The following FAM13A variants were observed in gnomAD, a reference collection of about 807,000 sequenced individuals.
FAM13A encodes the protein family with sequence similarity 13 member A, also known as protein FAM13A.
A neutral mutation model predicts 129.6 loss-of-function variants in FAM13A; 76 were observed. That is an observed-to-expected ratio of 0.59 (90% CI 0.49 to 0.71). The LOEUF is 0.71. FAM13A is among the 30% of genes least tolerant of loss of function. The pLI is 0.00. For missense variants in FAM13A, 1,108 were observed against 1,249.3 expected (o/e 0.89, Z 1.70); for synonymous variants, 443 against 449.9 (o/e 0.98, Z 0.20).
intron 5 of FAM13A, 53 bp from the exon 6 acceptor site, chr4:88,906,515 C>T: frequency 8.2e-7 from 1 of 1,219,052 alleles, no homozygotes. Context: ...CTTACCCTAA[C>T]CAAAAATTAC....
At chr4:88,941,279 G>T (rs926485897) in intron 4 of FAM13A, among the ~76,000 whole-genome samples, 1 of 152,166 alleles carries the variant, frequency 6.6e-6, no homozygotes, top group Admixed American at 6.5e-5. Flanking sequence ...AATGAATAGC[G>T]AAGTTTCCTG....
intron 1 of FAM13A, among the ~76,000 whole-genome samples, chr4:89,042,206 A>G (rs892830287): frequency 1.3e-5 from 2 of 152,080 alleles, no homozygotes; most frequent in Non-Finnish European, 2.9e-5. Context: ...CACAGATACA[A>G]TGACCAATAG....
intron 2 of FAM13A, among the ~76,000 whole-genome samples, chr4:89,028,712 T>C (rs1027011113): frequency 1.3e-5 from 2 of 150,916 alleles, no homozygotes; most frequent in African/African-American, 2.4e-5. Flanking sequence ...TGTAGGCACA[T>C]GTATACATAT....
chr4:88,861,694 C>G (rs916799865), intron 6 of FAM13A, among the ~76,000 whole-genome samples: 2 of 152,120 alleles, frequency 1.3e-5, no homozygotes, highest in Admixed American at 1.3e-4. Flanking sequence ...AGTAGATAGT[C>G]TAGCAAGAAA....
At chr4:88,973,289 G>T (rs796657774) in intron 4 of FAM13A, among the ~76,000 whole-genome samples, 9 of 152,020 alleles carry the variant, frequency 5.9e-5, no homozygotes, top group African/African-American at 2.2e-4. Flanking sequence ...TTATGTGTAT[G>T]TTATATCTTT....
intron 5 of FAM13A, among the ~76,000 whole-genome samples, chr4:88,909,909 G>A (rs1336083070): frequency 6.6e-6 from 1 of 152,168 alleles, no homozygotes; most frequent in Non-Finnish European, 1.5e-5. Flanking sequence ...AATGGTATGT[G>A]AATTATATCT....
intron 1 of FAM13A, among the ~76,000 whole-genome samples, chr4:89,054,898 A>G (rs1409597808): frequency 1.3e-5 from 2 of 152,038 alleles, no homozygotes; most frequent in Admixed American, 1.3e-4. Context: ...CTTTGAACCC[A>G]TTCATTCACT....
chr4:88,942,593 T>TAA lies in FAM13A; in HGVS notation c.606-4354_606-4353dup, dbSNP rs368082655. Among the ~76,000 whole-genome samples the TAA allele has an allele frequency of 3.6e-3, 512 of 143,566 alleles. 5 individuals carry two copies. The highest frequency in any genetic ancestry group is 9.1e-3 in the African/African-American group (356 of 39,070). The allele number at this position is 143,566 out of a possible 152,430, so 94.2% of individuals were successfully genotyped here. On this transcript the variant is annotated intron_variant, in intron 4 of 23. Coordinates refer to ENST00000264344, the MANE Select transcript of FAM13A (RefSeq NM_014883.4). ...AAAAATAAATAAATAAATAGAAATGTAAAAAAAAAAAAATAGGGTTCTAAA... is the reference window on the plus strand; with the variant it reads ...AAAAATAAATAAATAAATAGAAATGTAAAAAAAAAAAAAAATAGGGTTCTAAA...
In FAM13A at chr4:88,750,423, C is replaced by A. The variant is rs148165624; in HGVS notation, c.1940+1G>T. 1.2e-6 allele frequency: 2 copies of A among 1,611,390 alleles called. No homozygotes were observed. The highest frequency in any genetic ancestry group is 1.7e-6 in the Non-Finnish European group (2 of 1,177,452). ...TCTATCAGCAACACAGAGAAACATACCTCATGAAAGAATGGGAGTTTGGTG... is the reference window on the plus strand; with the variant it reads ...TCTATCAGCAACACAGAGAAACATAACTCATGAAAGAATGGGAGTTTGGTG... On this transcript the variant is annotated splice_donor_variant, in intron 15 of 23. Transcript: ENST00000264344. LOFTEE classifies it high-confidence loss of function.
intron 2 of FAM13A, among the ~76,000 whole-genome samples, chr4:89,023,655 T>A (rs1265618797): frequency 1.3e-5 from 2 of 152,208 alleles, no homozygotes; most frequent in East Asian, 3.8e-4. Context: ...AATAATATTT[T>A]CCTGTCTCTG....
At chr4:88,940,994 G>A (rs567897244) in intron 4 of FAM13A, among the ~76,000 whole-genome samples, 23 of 152,310 alleles carry the variant, frequency 1.5e-4, no homozygotes, top group African/African-American at 5.3e-4. Flanking sequence ...TTGGCAGGAA[G>A]CAGGTTGATA....
intron 8 of FAM13A, among the ~76,000 whole-genome samples, chr4:88,793,075 A>T (rs895331094): frequency 6.6e-6 from 1 of 152,028 alleles, no homozygotes; most frequent in African/African-American, 2.4e-5. Context: ...TTTCTAATAC[A>T]TTCCTCAGTG....
intron 6 of FAM13A, among the ~76,000 whole-genome samples, chr4:88,877,666 T>G (rs2150110209): frequency 6.6e-6 from 1 of 152,328 alleles, no homozygotes; most frequent in South Asian, 2.1e-4. Context: ...CTATTTTTGG[T>G]TTTTGCTTTG....
At chr4:89,025,242 A>ACTGTTTTTTTT (rs1767774329) in intron 2 of FAM13A, among the ~76,000 whole-genome samples, 2 of 55,456 alleles carry the variant, frequency 3.6e-5, no homozygotes, top group African/African-American at 1.2e-4. Flanking sequence ...CCATGGAATC[A>ACTGTTTTTTTT]TTGTTTTTTT....
intron 8 of FAM13A, among the ~76,000 whole-genome samples, chr4:88,793,871 G>A (rs1490830835): frequency 1.3e-5 from 2 of 151,900 alleles, no homozygotes; most frequent in African/African-American, 2.4e-5. Flanking sequence ...GGCATCCACC[G>A]CCATAGTTCC....
Position 88,968,627 on chromosome 4 carries a change from A to G in FAM13A, c.605+22346T>C, listed in dbSNP as rs541404788. The stretch of plus-strand genomic sequence containing the variant: ...AGGGAATCATAGACAATAATTTCCA[A>G]AAGTGTTTTGGACGTTTCTATTCCA... On this transcript the variant is annotated intron_variant, in intron 4 of 23. Transcript: ENST00000264344. 5.2e-4 allele frequency among the ~76,000 whole-genome samples: 79 copies of G among 152,152 alleles called. 1 individual carries two copies. Among genetic ancestry groups the G allele is most frequent in the South Asian group, 4.1e-4 (2 of 4,828 alleles).
chr4:88,921,561 T>C (rs563253903), intron 5 of FAM13A, among the ~76,000 whole-genome samples: 70 of 152,070 alleles, frequency 4.6e-4, no homozygotes, highest in African/African-American at 1.6e-3. Flanking sequence ...GCACTAAACA[T>C]GGAAAGGAAC....
At chr4:88,988,283 A>C (rs1244102902) in intron 4 of FAM13A, among the ~76,000 whole-genome samples, 3 of 152,238 alleles carry the variant, frequency 2.0e-5, no homozygotes, top group Non-Finnish European at 4.4e-5. Context: ...CATACTAAAG[A>C]GGCCTAACAA....
At chr4:89,037,217 C>T in intron 1 of FAM13A, among the ~76,000 whole-genome samples, 1 of 152,190 alleles carries the variant, frequency 6.6e-6, no homozygotes, top group Non-Finnish European at 1.5e-5. Flanking sequence ...AGGTGCTGTA[C>T]CCTATAGAGC....
Sources: gnomAD v4.1 joint callset for allele counts (sites outside exome capture counted in the v4.1 genomes callset) on GRCh38, gnomAD v4.1.1 for gene constraint, MANE v1.5 for transcripts, NCBI Gene and HGNC (gene_info 2026-07-23, HGNC 2026-07-21) for gene names.